The following ZBTB20 variants were observed in gnomAD, a reference collection of about 807,000 sequenced individuals.
ZBTB20 encodes zinc finger and BTB domain-containing protein 20.
In ZBTB20, 9 loss-of-function variants were observed where a neutral mutation model predicts 56.9. The ratio of observed to expected loss-of-function variants is 0.16; its 90% CI spans 0.10 to 0.28. The LOEUF (loss-of-function observed/expected upper bound fraction) is 0.28, where lower values mean the gene tolerates loss of function less well. Among genes scored for constraint, ZBTB20 ranks in the 10% least tolerant of loss-of-function variants. ZBTB20 has a pLI of 1.00. For synonymous variants in ZBTB20, 417 were observed against 420.7 expected (o/e 0.99, Z 0.11); for missense variants, 655 against 1,003.0 (o/e 0.65, Z 4.69).
At chr3:114,475,304 G>C (rs1451832703) in intron 7 of ZBTB20, among the ~76,000 whole-genome samples, 2 of 151,956 alleles carry the variant, frequency 1.3e-5, no homozygotes, top group Non-Finnish European at 2.9e-5. Context: ...CCTCCTCTGA[G>C]CTCCAAGAAT....
intron 6 of ZBTB20, among the ~76,000 whole-genome samples, chr3:114,661,386 C>T (rs1440420105): frequency 1.3e-5 from 2 of 152,114 alleles, no homozygotes; most frequent in Non-Finnish European, 2.9e-5. Context: ...TCCCGTTCTT[C>T]CCATATTTAG....
intron 6 of ZBTB20, among the ~76,000 whole-genome samples, chr3:114,515,479 C>T (rs765316495): frequency 4.6e-5 from 7 of 152,170 alleles, no homozygotes; most frequent in African/African-American, 7.2e-5. Flanking sequence ...TGCAGAATTA[C>T]GGTTTCCAGC....
intron 5 of ZBTB20, among the ~76,000 whole-genome samples, chr3:114,748,299 TTTC>T (rs2067230511): frequency 1.5e-5 from 2 of 135,614 alleles, no homozygotes; most frequent in African/African-American, 6.0e-5. Context: ...TCTTTCTTTC[TTTC>T]TTTCTTTCTT....
chr3:114,992,793 G>A (rs1035972388), intron 2 of ZBTB20, among the ~76,000 whole-genome samples: 8 of 149,936 alleles, frequency 5.3e-5, no homozygotes, highest in African/African-American at 1.5e-4. Flanking sequence ...GGTTCTGGGG[G>A]AAAAAAAAAC....
At chr3:115,005,954 G>A (rs1204869392) in intron 2 of ZBTB20, among the ~76,000 whole-genome samples, 1 of 151,542 alleles carries the variant, frequency 6.6e-6, no homozygotes, top group East Asian at 1.9e-4. Flanking sequence ...TTAGCTCACA[G>A]CATTCTACCC....
At chr3:114,667,135 A>G (rs2061103790) in intron 6 of ZBTB20, among the ~76,000 whole-genome samples, 1 of 152,042 alleles carries the variant, frequency 6.6e-6, no homozygotes, top group Admixed American at 6.6e-5. Flanking sequence ...AATTTCTGCA[A>G]TCAGACCATG....
At chr3:115,067,527 C>T (rs1168363835) in intron 2 of ZBTB20, among the ~76,000 whole-genome samples, 1 of 149,356 alleles carries the variant, frequency 6.7e-6, no homozygotes, top group African/African-American at 2.5e-5. Context: ...AAGACATATG[C>T]TATTTGAAAA....
At chr3:114,877,889 A>C (rs2076256541) in intron 4 of ZBTB20, among the ~76,000 whole-genome samples, 1 of 152,168 alleles carries the variant, frequency 6.6e-6, no homozygotes, top group African/African-American at 2.4e-5. Context: ...AGAACAAAGA[A>C]ATGGCTCTGT....
chr3:114,548,236 G>C (rs1464679679), intron 6 of ZBTB20, among the ~76,000 whole-genome samples: 1 of 152,210 alleles, frequency 6.6e-6, no homozygotes, highest in Non-Finnish European at 1.5e-5. Flanking sequence ...ACAGGAGAAA[G>C]GAAAACTCAC....
chr3:114,854,466 C>T (rs571897965), intron 4 of ZBTB20, among the ~76,000 whole-genome samples: 12 of 152,088 alleles, frequency 7.9e-5, no homozygotes, highest in Middle Eastern at 3.4e-3. Flanking sequence ...TCTGTTTTCC[C>T]GCCTCCTCTT....
chr3:114,460,548 G>T (rs887656278), intron 7 of ZBTB20, among the ~76,000 whole-genome samples: 2 of 152,136 alleles, frequency 1.3e-5, no homozygotes, highest in African/African-American at 4.8e-5. Context: ...AAGGAGTGCA[G>T]GGTCCTCCAA....
chr3:114,567,980 C>T (rs1045003635), intron 6 of ZBTB20, among the ~76,000 whole-genome samples: 1 of 152,208 alleles, frequency 6.6e-6, no homozygotes, highest in Non-Finnish European at 1.5e-5. Flanking sequence ...TGGGCTCAGG[C>T]CCAAGACTTG....
chr3:114,670,928 T>C (rs1159939626), intron 6 of ZBTB20, among the ~76,000 whole-genome samples: 1 of 152,052 alleles, frequency 6.6e-6, no homozygotes, highest in Non-Finnish European at 1.5e-5. Flanking sequence ...TACAAAGAAC[T>C]TGAAGGAACT....
At chr3:114,948,531 AC>A (rs954142987) in intron 3 of ZBTB20, among the ~76,000 whole-genome samples, 1 of 145,844 alleles carries the variant, frequency 6.9e-6, no homozygotes, top group African/African-American at 2.8e-5. Context: ...ATTCAAAAGA[AC>A]CCACAAAGTC....
chr3:114,649,777 T>C (rs1014787694), intron 6 of ZBTB20, among the ~76,000 whole-genome samples: 6 of 152,022 alleles, frequency 3.9e-5, no homozygotes, highest in African/African-American at 1.2e-4. Flanking sequence ...AGGTAAATTA[T>C]ATATTTTCCA....
intron 5 of ZBTB20, among the ~76,000 whole-genome samples, chr3:114,737,896 T>C (rs1419446467): frequency 2.0e-5 from 3 of 152,142 alleles, no homozygotes; most frequent in Admixed American, 2.0e-4. Context: ...GTAGGAAAAA[T>C]ATCCCACATT....
intron 4 of ZBTB20, among the ~76,000 whole-genome samples, chr3:114,823,043 G>A (rs1403599): frequency 6.6e-6 from 1 of 151,906 alleles, no homozygotes; most frequent in African/African-American, 2.4e-5. Flanking sequence ...AGCATTCTTC[G>A]GTCAACTAAG....
chr3:114,902,102 C>T (rs1169565569), intron 3 of ZBTB20, among the ~76,000 whole-genome samples: 1 of 152,156 alleles, frequency 6.6e-6, no homozygotes, highest in Non-Finnish European at 1.5e-5. Context: ...GAAACACCCT[C>T]ACTGCTTCCT....
chr3:114,676,467 C>G (rs919538208), intron 6 of ZBTB20, among the ~76,000 whole-genome samples: 5 of 152,076 alleles, frequency 3.3e-5, no homozygotes, highest in Admixed American at 6.6e-5. Flanking sequence ...TGATTTTTAT[C>G]TCTTAATAAA....
Sources: allele counts gnomAD v4.1 joint callset (sites outside exome capture counted in the v4.1 genomes callset), GRCh38; gene constraint gnomAD v4.1.1; transcripts MANE v1.5; gene names NCBI Gene and HGNC (gene_info 2026-07-23, HGNC 2026-07-21).